STK32B: variants seen among roughly 807,000 people sequenced by gnomAD.
STK32B encodes the protein serine/threonine kinase 32B.
A neutral mutation model predicts 52.6 loss-of-function variants in STK32B; 43 were observed. The observed-to-expected ratio is 0.82, with a 90% CI of 0.64 to 1.05. STK32B has a LOEUF of 1.05. STK32B is among the 50% of genes least tolerant of loss of function. The probability of loss-of-function intolerance (pLI) is 0.00; values close to 1 mark genes in which losing one functional copy is unlikely to be tolerated. For synonymous variants in STK32B, 238 were observed against 204.3 expected, an observed-to-expected ratio of 1.17 and a Z score of -1.41; for missense variants, 621 against 534.6, an observed-to-expected ratio of 1.16 and a Z score of -1.59.
In STK32B at chr4:5,299,933, A is replaced by C. The variant is rs78115192; in HGVS notation, c.261-31287A>C. Among the ~76,000 whole-genome samples the C allele has an allele frequency of 1.3e-3, 192 of 152,296 alleles. 6 individuals are homozygous for C. The East Asian group carries it at 0.031, about 24-fold the overall frequency. On this transcript the variant is annotated intron_variant, in intron 3 of 11. Transcript: ENST00000282908. ...AGGAGGATGGATTCCTGACCAACTC[A>C]TTCTATGAAACTAGTATCATTCTGA...
At chr4:5,490,941 T>C (rs1404107207) in intron 11 of STK32B, among the ~76,000 whole-genome samples, 1 of 152,236 alleles carries the variant, frequency 6.6e-6, no homozygotes, top group African/African-American at 2.4e-5. Context: ...CCATGGTGTA[T>C]ATGTGACACA....
intron 11 of STK32B, among the ~76,000 whole-genome samples, chr4:5,481,898 T>C (rs1718744935): frequency 6.6e-6 from 1 of 152,318 alleles, no homozygotes; most frequent in African/African-American, 2.4e-5. Context: ...TGGTTGTAGA[T>C]ATGCGGCATT....
chr4:5,494,486 G>A (rs1169369873), intron 11 of STK32B, among the ~76,000 whole-genome samples: 1 of 152,056 alleles, frequency 6.6e-6, no homozygotes, highest in Non-Finnish European at 1.5e-5. Context: ...CATGAGATGG[G>A]TTTCCTGAAT....
chr4:5,370,092 C>G (rs1301263734), intron 4 of STK32B, among the ~76,000 whole-genome samples: 1 of 151,674 alleles, frequency 6.6e-6, no homozygotes, highest in South Asian at 2.1e-4. Flanking sequence ...GTCAGGCTGT[C>G]TCGAACTCCT....
chr4:5,493,642 G>A (rs1431368544), intron 11 of STK32B, among the ~76,000 whole-genome samples: 1 of 152,010 alleles, frequency 6.6e-6, no homozygotes, highest in Non-Finnish European at 1.5e-5. Flanking sequence ...GTTTGCTCTT[G>A]CTTCTCTAGT....
intron 3 of STK32B, among the ~76,000 whole-genome samples, chr4:5,315,855 C>T (rs1360809528): frequency 1.3e-5 from 2 of 150,946 alleles, no homozygotes; most frequent in Non-Finnish European, 3.0e-5. Context: ...CAGGTGCATG[C>T]CACCACGCCC....
chr4:5,019,516 A>T, the STK32B span: 3 of 1,377,668 alleles, frequency 2.2e-6, no homozygotes, highest in Non-Finnish European at 2.8e-6. Context: ...GGGCGGCTCC[A>T]CGCCTCCACT....
At chr4:5,033,977 A>C in the STK32B span, among the ~76,000 whole-genome samples, 9 of 152,328 alleles carry the variant, frequency 5.9e-5, 1 homozygote, top group South Asian at 1.9e-3. Context: ...AATTGAGCTA[A>C]ATTCACTGCT....
chr4:5,047,206 G>A (rs1435433758), upstream of STK32B, among the ~76,000 whole-genome samples: 3 of 152,156 alleles, frequency 2.0e-5, no homozygotes, highest in East Asian at 5.8e-4. Flanking sequence ...GATGAAGCTG[G>A]AAGTCATCAT....
intron 4 of STK32B, among the ~76,000 whole-genome samples, chr4:5,368,397 G>A (rs1735013910): frequency 6.6e-6 from 1 of 151,054 alleles, no homozygotes; most frequent in African/African-American, 2.4e-5. Flanking sequence ...AAATGATAAG[G>A]GCTTTGCTTT....
chr4:5,110,131 T>C (rs1229882164), intron 1 of STK32B, among the ~76,000 whole-genome samples: 1 of 152,004 alleles, frequency 6.6e-6, no homozygotes, highest in African/African-American at 2.4e-5. Flanking sequence ...AAACATCCTA[T>C]GCTCATGAAT....
chr4:5,131,490 A>G (rs1318730142), intron 1 of STK32B, among the ~76,000 whole-genome samples: 1 of 152,096 alleles, frequency 6.6e-6, no homozygotes, highest in Non-Finnish European at 1.5e-5. Flanking sequence ...CTTTCTCATC[A>G]TGTTTGAAAA....
chr4:5,240,998 C>G (rs1213939037), intron 3 of STK32B, among the ~76,000 whole-genome samples: 2 of 152,130 alleles, frequency 1.3e-5, no homozygotes. Flanking sequence ...CCATCCTGTT[C>G]TTCTTCAAGA....
At chr4:5,493,112 T>G (rs1408041507) in intron 11 of STK32B, among the ~76,000 whole-genome samples, 1 of 151,528 alleles carries the variant, frequency 6.6e-6, no homozygotes, top group Non-Finnish European at 1.5e-5. Flanking sequence ...TTAGGGAGGA[T>G]TCCCTCTTTT....
intron 3 of STK32B, among the ~76,000 whole-genome samples, chr4:5,291,823 C>T (rs1031070482): frequency 2.0e-5 from 3 of 151,874 alleles, no homozygotes; most frequent in Non-Finnish European, 2.9e-5. Flanking sequence ...TTCATAGATG[C>T]CCTTTATTAA....
intron 2 of STK32B, among the ~76,000 whole-genome samples, chr4:5,166,758 A>T (rs935106605): frequency 2.4e-4 from 37 of 152,066 alleles, no homozygotes; most frequent in African/African-American, 8.2e-4. Context: ...TGTTGTTTAA[A>T]TCCCCCAGTT....
At chr4:5,221,367 G>C (rs1011891929) in intron 3 of STK32B, among the ~76,000 whole-genome samples, 1 of 152,116 alleles carries the variant, frequency 6.6e-6, no homozygotes, top group African/African-American at 2.4e-5. Context: ...GGAGTTGGTG[G>C]CCAAATTCCT....
intron 11 of STK32B, among the ~76,000 whole-genome samples, chr4:5,485,186 T>A (rs1357538704): frequency 6.6e-6 from 1 of 152,188 alleles, no homozygotes; most frequent in Non-Finnish European, 1.5e-5. Flanking sequence ...CAGAGTGTTT[T>A]CCAACTTGGT....
At position 5,498,759 on chromosome 4, in the gene STK32B, G is replaced by A. The variant is rs186041049; in HGVS notation, c.1107-186G>A. On this transcript the variant is annotated intron_variant, in intron 11 of 11. Coordinates refer to ENST00000282908, the MANE Select transcript of STK32B (RefSeq NM_018401.3). ...ACTCACCCAAGTGCACCTGAGCTGC[G>A]CTTTGATCCGAGGCCCATCTGGCTA... is the stretch of plus-strand genomic sequence containing the variant. Among the ~76,000 whole-genome samples the A allele has an allele frequency of 1.3e-4, 20 of 152,342 alleles. No homozygotes were observed. The East Asian group carries it at 1.9e-3, about 15-fold the overall frequency.
Sources: allele counts gnomAD v4.1 joint callset (sites outside exome capture counted in the v4.1 genomes callset), GRCh38; gene constraint gnomAD v4.1.1; transcripts MANE v1.5; gene names NCBI Gene and HGNC (gene_info 2026-07-23, HGNC 2026-07-21).